Variants in TMCC1 observed in about 807,000 individuals in gnomAD.
The protein encoded by TMCC1 is transmembrane and coiled-coil domains protein 1.
TMCC1 carries 15 observed loss-of-function variants against 52.4 expected under a neutral mutation model. That is an observed-to-expected ratio of 0.29 (90% CI 0.19 to 0.44). The LOEUF is 0.44. Ranked by LOEUF, TMCC1 falls within the 20% of genes least tolerant of loss-of-function variation. The pLI, the probability that TMCC1 is intolerant of heterozygous loss-of-function variation, is 1.00. For missense variants in TMCC1, 503 were observed against 806.0 expected (o/e 0.62, Z 4.55); for synonymous variants, 279 against 301.9 (o/e 0.92, Z 0.79).
intron 4 of TMCC1, among the ~76,000 whole-genome samples, chr3:129,727,748 G>A (rs137955101): frequency 1.0e-3 from 157 of 152,278 alleles, no homozygotes; most frequent in African/African-American, 3.4e-3. Context: ...TAATGAGCCA[G>A]CCCTCTTGGT....
intron 1 of TMCC1, among the ~76,000 whole-genome samples, chr3:129,883,970 A>C (rs1044330793): frequency 6.6e-6 from 1 of 152,192 alleles, no homozygotes; most frequent in Non-Finnish European, 1.5e-5. Context: ...CAATGAAAGC[A>C]GATTTCTCAT....
At chr3:129,788,289 A>AT (rs755925006) in intron 4 of TMCC1, among the ~76,000 whole-genome samples, 3 of 152,138 alleles carry the variant, frequency 2.0e-5, no homozygotes, top group African/African-American at 7.2e-5. Context: ...TACTGTTGTT[A>AT]TTTTTTAAAT....
intron 2 of TMCC1, among the ~76,000 whole-genome samples, chr3:129,860,221 A>G (rs552005451): frequency 6.6e-6 from 1 of 152,252 alleles, no homozygotes; most frequent in Admixed American, 6.5e-5. Context: ...ATTGAACTCA[A>G]TAAAATATTA....
intron 4 of TMCC1, among the ~76,000 whole-genome samples, chr3:129,699,350 C>T (rs746518920): frequency 2.6e-5 from 4 of 152,320 alleles, no homozygotes; most frequent in Middle Eastern, 3.4e-3. Flanking sequence ...CTAACAGACA[C>T]TTCCACAAGT....
chr3:129,695,374 A>C (rs2047340111), intron 4 of TMCC1, among the ~76,000 whole-genome samples: 1 of 152,106 alleles, frequency 6.6e-6, no homozygotes, highest in Non-Finnish European at 1.5e-5. Flanking sequence ...TTGTGATGCA[A>C]TGTGTATTAG....
At chr3:129,769,539 ATTT>A (rs56862714) in intron 4 of TMCC1, among the ~76,000 whole-genome samples, 19 of 132,346 alleles carry the variant, frequency 1.4e-4, no homozygotes, top group East Asian at 2.2e-4. Context: ...CCATTATGAG[ATTT>A]TTTTTTTTTT....
chr3:129,785,560 T>TAA (rs1553869582), intron 4 of TMCC1, among the ~76,000 whole-genome samples: 28 of 146,168 alleles, frequency 1.9e-4, no homozygotes, highest in Admixed American at 1.6e-3. Context: ...TCAATATACA[T>TAA]ACACACACAC....
At chr3:129,833,424 G>C (rs2059011159) in intron 2 of TMCC1, among the ~76,000 whole-genome samples, 1 of 152,110 alleles carries the variant, frequency 6.6e-6, no homozygotes, top group Admixed American at 6.5e-5. Flanking sequence ...TTAAAGATTA[G>C]CCAGGCATGG....
chr3:129,769,129 C>A (rs1452697430), intron 4 of TMCC1, among the ~76,000 whole-genome samples: 1 of 152,282 alleles, frequency 6.6e-6, no homozygotes, highest in Admixed American at 6.5e-5. Context: ...ATCTGATCAT[C>A]TAAAGCAAGC....
chr3:129,783,470 C>T (rs141931209), intron 4 of TMCC1, among the ~76,000 whole-genome samples: 1 of 151,826 alleles, frequency 6.6e-6, no homozygotes, highest in Non-Finnish European at 1.5e-5. Flanking sequence ...ATGATATACC[C>T]CTTATTAAAT....
intron 2 of TMCC1, among the ~76,000 whole-genome samples, chr3:129,835,346 T>TA (rs2059112352): frequency 1.3e-5 from 2 of 151,260 alleles, no homozygotes; most frequent in Admixed American, 6.6e-5. Flanking sequence ...TATATATATA[T>TA]TTTAATGACA....
At chr3:129,731,272 CATT>C (rs1489382121) in intron 4 of TMCC1, among the ~76,000 whole-genome samples, 1 of 152,166 alleles carries the variant, frequency 6.6e-6, no homozygotes, top group Non-Finnish European at 1.5e-5. Flanking sequence ...AACAGCCACT[CATT>C]ATTAAACTCT....
intron 2 of TMCC1, among the ~76,000 whole-genome samples, chr3:129,842,083 CA>C (rs2059445024): frequency 6.6e-6 from 1 of 152,062 alleles, no homozygotes; most frequent in Non-Finnish European, 1.5e-5. Flanking sequence ...ATACATGAGG[CA>C]AAACTGATAG....
rs369939833 is a variant in TMCC1, at chr3:129,670,716, G to A, written c.1125C>T (p.Leu375=). The change falls in exon 5 of 7, where the codon CTC becomes CTT. Residue 375 remains leucine, a synonymous_variant. Transcript: ENST00000393238. ...CTGCACTGCCAAATTTGTTCCGAATGAGTGAGGCAATCTCTCTGGGCTTTG... is the reference window on the plus strand; with the variant it reads ...CTGCACTGCCAAATTTGTTCCGAATAAGTGAGGCAATCTCTCTGGGCTTTG... ...VVSKPREIAS[L]IRNKFGSADN... is the part of the protein sequence containing the mutation. 1.2e-6 allele frequency: 2 copies of A among 1,614,052 alleles called. No individual in the cohort carries two copies. Among genetic ancestry groups the A allele is most frequent in the Non-Finnish European group, 1.7e-6 (2 of 1,180,040 alleles).
At chr3:129,704,714 G>A (rs1431708403) in intron 4 of TMCC1, among the ~76,000 whole-genome samples, 1 of 152,074 alleles carries the variant, frequency 6.6e-6, no homozygotes, top group African/African-American at 2.4e-5. Flanking sequence ...CACTACACTC[G>A]GCCCGGGCAG....
At chr3:129,763,817 C>A (rs2053857756) in intron 4 of TMCC1, among the ~76,000 whole-genome samples, 1 of 150,614 alleles carries the variant, frequency 6.6e-6, no homozygotes, top group Admixed American at 6.6e-5. Flanking sequence ...CAGAGTGAGA[C>A]TCTGTCTCAA....
chr3:129,671,438 C>T (rs1253418158), intron 4 of TMCC1, among the ~76,000 whole-genome samples, 174 bp from the exon 5 acceptor site: 1 of 152,144 alleles, frequency 6.6e-6, no homozygotes, highest in Admixed American at 6.5e-5. Context: ...TGCCCTCATA[C>T]AAGTATACTT....
rs78527827 is a variant in TMCC1 at position 129,769,910 on chromosome 3, G to A, written c.576+57893C>T. ...AAGCCCTACTTGGACCAAAAGCAAC[G>A]GAGAAGAATTTGTCTACCCTTTCCT... On this transcript the variant is annotated intron_variant, in intron 4 of 6. Transcript: ENST00000393238. Among the ~76,000 whole-genome samples, 653 of 152,108 alleles carry A rather than the reference G, an allele frequency of 4.3e-3. 3 individuals carry two copies. The highest frequency in any genetic ancestry group is 0.015 in the African/African-American group (636 of 41,478).
At chr3:129,715,629 T>C (rs751037960) in intron 4 of TMCC1, among the ~76,000 whole-genome samples, 2 of 152,228 alleles carry the variant, frequency 1.3e-5, no homozygotes, top group Non-Finnish European at 2.9e-5. Flanking sequence ...TACCTTTATA[T>C]TGACATTCCT....
Sources: gnomAD v4.1 joint callset for allele counts (sites outside exome capture counted in the v4.1 genomes callset) on GRCh38, gnomAD v4.1.1 for gene constraint, MANE v1.5 for transcripts, NCBI Gene and HGNC (gene_info 2026-07-23, HGNC 2026-07-21) for gene names.